ZNF362: variants seen among roughly 807,000 people sequenced by gnomAD.
The protein encoded by ZNF362 is rotund homolog.
In ZNF362, 11 loss-of-function variants were observed where a neutral mutation model predicts 42.9. The ratio of observed to expected loss-of-function variants is 0.26; its 90% CI spans 0.16 to 0.42. The LOEUF (loss-of-function observed/expected upper bound fraction) is 0.42. Among genes scored for constraint, ZNF362 ranks in the 20% least tolerant of loss-of-function variants. The pLI is 1.00. For synonymous variants in ZNF362, 255 were observed against 257.3 expected, an observed-to-expected ratio of 0.99 and a Z score of 0.09; for missense variants, 362 against 576.2, an observed-to-expected ratio of 0.63 and a Z score of 3.81.
At chr1:33,245,576 C>G in the ZNF362 span, among the ~76,000 whole-genome samples, 3 of 152,086 alleles carry the variant, frequency 2.0e-5, no homozygotes, top group Non-Finnish European at 4.4e-5. Context: ...ATCTGAAGAT[C>G]ATTCTGGATT....
chr1:33,249,976 C>T, the ZNF362 span, among the ~76,000 whole-genome samples: 1 of 152,144 alleles, frequency 6.6e-6, no homozygotes, highest in Admixed American at 6.5e-5. Flanking sequence ...GACTCTTAAA[C>T]CTAATCTATT....
intron 8 of ZNF362, among the ~76,000 whole-genome samples, chr1:33,296,790 A>T (rs1337321717): frequency 6.6e-6 from 1 of 150,820 alleles, no homozygotes; most frequent in Non-Finnish European, 1.5e-5. Flanking sequence ...TTCAGGTGGA[A>T]TGGGAAGCTA....
the ZNF362 span, among the ~76,000 whole-genome samples, chr1:33,227,859 TC>T: frequency 1.4e-5 from 1 of 73,590 alleles, no homozygotes; most frequent in South Asian, 4.3e-4. Context: ...AGGGAAGGGA[TC>T]TTTTTTTTTT....
At chr1:33,257,899 G>A (rs1430876338) in intron 1 of ZNF362, among the ~76,000 whole-genome samples, 1 of 152,128 alleles carries the variant, frequency 6.6e-6, no homozygotes, top group East Asian at 1.9e-4. Flanking sequence ...GGACCCTGAG[G>A]CAAGTGAGCT....
intron 1 of ZNF362, among the ~76,000 whole-genome samples, chr1:33,267,955 GT>G (rs1645875788): frequency 6.6e-6 from 1 of 152,206 alleles, no homozygotes; most frequent in Non-Finnish European, 1.5e-5. Context: ...GATTGTTACA[GT>G]TTACACTCCC....
At chr1:33,234,511 C>G in the ZNF362 span, among the ~76,000 whole-genome samples, 1 of 152,150 alleles carries the variant, frequency 6.6e-6, no homozygotes. Context: ...CCATCTTGTA[C>G]TGACCAGATC....
intron 8 of ZNF362, among the ~76,000 whole-genome samples, chr1:33,296,920 T>G (rs1384632528): frequency 6.6e-6 from 1 of 151,678 alleles, no homozygotes; most frequent in Non-Finnish European, 1.5e-5. Flanking sequence ...TCCTCCTGCT[T>G]CAACCTCCAG....
the ZNF362 span, among the ~76,000 whole-genome samples, chr1:33,129,073 A>G: frequency 6.6e-6 from 1 of 152,192 alleles, no homozygotes; most frequent in Admixed American, 6.5e-5. The surrounding 1 kb of genome is among the most constrained non-coding windows in gnomAD (Gnocchi z 4.1). Context: ...ATTCCAGACC[A>G]GGGCACTGGC....
the ZNF362 span, among the ~76,000 whole-genome samples, chr1:33,242,827 T>G: frequency 2.6e-5 from 4 of 152,222 alleles, no homozygotes; most frequent in Non-Finnish European, 5.9e-5. Context: ...TTCTAAGTCA[T>G]AAATCCTGTT....
At chr1:33,159,002 G>A in the ZNF362 span, among the ~76,000 whole-genome samples, 2 of 151,914 alleles carry the variant, frequency 1.3e-5, no homozygotes, top group Non-Finnish European at 2.9e-5. The surrounding 1 kb of genome is among the most constrained non-coding windows in gnomAD (Gnocchi z 4.2). Flanking sequence ...CACCACGCCC[G>A]GCTAATTTTT....
chr1:33,292,892 G>A (rs1646089672), intron 6 of ZNF362, among the ~76,000 whole-genome samples: 1 of 152,234 alleles, frequency 6.6e-6, no homozygotes, highest in Non-Finnish European at 1.5e-5. Flanking sequence ...TAGAGACGGT[G>A]CAGCAGCCTG....
chr1:33,296,449 G>C (rs575853368), intron 8 of ZNF362, among the ~76,000 whole-genome samples: 1 of 152,118 alleles, frequency 6.6e-6, no homozygotes, highest in Non-Finnish European at 1.5e-5. Context: ...TGCCACTCCT[G>C]GGTTCTCATC....
chr1:33,145,528 TC>T, the ZNF362 span: 2 of 172,448 alleles, frequency 1.2e-5, no homozygotes, highest in Non-Finnish European at 2.5e-5. Flanking sequence ...GGCTGACAAT[TC>T]CTTTTGCCCA....
In ZNF362 at chr1:33,266,544, G is replaced by C. The variant is rs1471867783; in HGVS notation, c.-88-3943G>C. Reference sequence around the variant, plus strand: ...ACGTCAAAAGTGACCTTTAAGTTGAGACAGGAGGGAAGACCTGGGTGAGCT... The same window carrying C: ...ACGTCAAAAGTGACCTTTAAGTTGACACAGGAGGGAAGACCTGGGTGAGCT... On this transcript the variant is annotated intron_variant, in intron 1 of 8. Transcript: ENST00000539719. This position sits in a 1 kb window ranked among gnomAD's most constrained non-coding sequence, Gnocchi z 4.3. Among the ~76,000 whole-genome samples, 1 of 152,250 alleles carries C rather than the reference G, an allele frequency of 6.6e-6. No homozygotes were observed. Among genetic ancestry groups the C allele is most frequent in the Non-Finnish European group, 1.5e-5 (1 of 68,046 alleles).
At chr1:33,189,877 A>G in the ZNF362 span, among the ~76,000 whole-genome samples, 4 of 151,742 alleles carry the variant, frequency 2.6e-5, no homozygotes, top group African/African-American at 9.7e-5. Flanking sequence ...TGGGGAAAAT[A>G]GTCACAGGAG....
chr1:33,180,121 T>C, the ZNF362 span, among the ~76,000 whole-genome samples: 1 of 152,250 alleles, frequency 6.6e-6, no homozygotes, highest in Admixed American at 6.5e-5. Context: ...GGAGACCGAT[T>C]AGAGTTCTAT....
the ZNF362 span, among the ~76,000 whole-genome samples, chr1:33,206,483 C>T: frequency 6.6e-6 from 1 of 152,134 alleles, no homozygotes; most frequent in African/African-American, 2.4e-5. Context: ...CCTGTAGTCT[C>T]AGTTACTCAT....
rs527895284 is a variant in ZNF362, at chr1:33,267,643, C to A, written c.-88-2844C>A. ...AGGCAAATTTCCTGATCTCTTTGTG[C>A]CTTCAGTTCCTGACAGGCCAATGTG... On this transcript the variant is annotated intron_variant, in intron 1 of 8. Coordinates refer to ENST00000539719, the MANE Select transcript of ZNF362 (RefSeq NM_152493.3). Among the ~76,000 whole-genome samples the A allele has an allele frequency of 1.2e-3, 176 of 152,244 alleles. 1 individual carries two copies. Among genetic ancestry groups the A allele is most frequent in the Non-Finnish European group, 2.1e-3 (144 of 68,024 alleles).
Position 33,294,237 on chromosome 1 carries a change from C to T in ZNF362, c.909-700C>T, listed in dbSNP as rs554017202. 1.8e-4 allele frequency among the ~76,000 whole-genome samples: 27 copies of T among 152,262 alleles called. No individual in the cohort carries two copies. Among genetic ancestry groups the T allele is most frequent in the Admixed American group, 1.2e-3 (18 of 15,290 alleles). On this transcript the variant is annotated intron_variant, in intron 6 of 8. Transcript: ENST00000539719. This position sits in a 1 kb window ranked among gnomAD's most constrained non-coding sequence, Gnocchi z 4.2. ...TATCTGATGTTATCTTCACAAAGCC[C>T]GATGAGATAGGAACTGTATTTTTAT...
Sources: gnomAD v4.1 joint callset for allele counts (sites outside exome capture counted in the v4.1 genomes callset) on GRCh38, gnomAD v4.1.1 for gene constraint, Gnocchi (gnomAD v3.1) non-coding constraint, MANE v1.5 for transcripts, NCBI Gene and HGNC (gene_info 2026-07-23, HGNC 2026-07-21) for gene names.